Variants in ATP2C1 observed in about 807,000 individuals in gnomAD.
ATP2C1 encodes the protein calcium-transporting ATPase type 2C member 1.
Under a neutral mutation model 120.5 loss-of-function variants are expected in ATP2C1, and 31 were observed. The observed-to-expected ratio is 0.26, with a 90% CI of 0.19 to 0.35. The LOEUF (loss-of-function observed/expected upper bound fraction) is 0.35, where lower values mean the gene tolerates loss of function less well. ATP2C1 is among the 10% of genes least tolerant of loss of function. The pLI, the probability that ATP2C1 is intolerant of heterozygous loss-of-function variation, is 1.00. For missense variants in ATP2C1, 731 were observed against 1,107.5 expected (o/e 0.66, Z 4.83); for synonymous variants, 351 against 358.7 (o/e 0.98, Z 0.24).
At chr3:131,007,335 C>T (rs1298155841), downstream of ATP2C1, among the ~76,000 whole-genome samples, 1 of 152,188 alleles carries the variant, frequency 6.6e-6, no homozygotes, top group Non-Finnish European at 1.5e-5. Flanking sequence ...CTGTTTTACG[C>T]AAATCTGGCC....
At chr3:130,902,958 C>G (rs1220049581) in intron 2 of ATP2C1, among the ~76,000 whole-genome samples, 1 of 151,922 alleles carries the variant, frequency 6.6e-6, no homozygotes, top group Non-Finnish European at 1.5e-5. Flanking sequence ...CTTACATGTA[C>G]ATAGTTGTGT....
intron 8 of ATP2C1, among the ~76,000 whole-genome samples, chr3:130,946,932 C>T (rs930765100): frequency 5.3e-5 from 8 of 152,332 alleles, no homozygotes; most frequent in Non-Finnish European, 8.8e-5. Flanking sequence ...TTGTATCAGG[C>T]TTCAGGGCTT....
At chr3:130,938,149 CCT>C (rs1331618096) in intron 6 of ATP2C1, among the ~76,000 whole-genome samples, 4 of 152,056 alleles carry the variant, frequency 2.6e-5, no homozygotes, top group Non-Finnish European at 4.4e-5. Context: ...TAAAGTAGCC[CCT>C]TTTAAAAATT....
At chr3:130,916,815 C>CA (rs1290795696) in intron 2 of ATP2C1, among the ~76,000 whole-genome samples, 1 of 151,852 alleles carries the variant, frequency 6.6e-6, no homozygotes, top group Non-Finnish European at 1.5e-5. Context: ...TTTTATTGTC[C>CA]AAAAACCATA....
chr3:131,002,465 C>T lies in ATP2C1; in HGVS notation c.*1115C>T, dbSNP rs956417772. 2.0e-6 allele frequency: 2 copies of T among 985,242 alleles called. No homozygotes were observed. Among genetic ancestry groups the T allele is most frequent in the African/African-American group, 1.7e-5 (1 of 57,222 alleles). 61.0% of individuals were successfully genotyped at this position (985,242 alleles called of 1,614,324 possible). A position where few individuals can be genotyped will look rare whatever the true frequency, so the allele number is the denominator to read the frequency against. ...GATTTTAGCACAAACCTGAGTATATCTCTTCTACTTTCATCATGTGTTCTG... is the reference window on the plus strand; with the variant it reads ...GATTTTAGCACAAACCTGAGTATATTTCTTCTACTTTCATCATGTGTTCTG... On this transcript the variant is annotated 3_prime_UTR_variant, in exon 28 of 28. Coordinates refer to ENST00000510168, the MANE Select transcript of ATP2C1 (RefSeq NM_001378687.1).
At chr3:130,855,330 G>A (rs924805957) in intron 1 of ATP2C1, among the ~76,000 whole-genome samples, 2 of 152,120 alleles carry the variant, frequency 1.3e-5, no homozygotes, top group Admixed American at 6.6e-5. Context: ...GCATAAATCT[G>A]GCACATAGAT....
intron 26 of ATP2C1, chr3:131,013,947 T>C: frequency 1.5e-6 from 1 of 681,482 alleles, no homozygotes; most frequent in Non-Finnish European, 2.4e-6. Context: ...GTGATGTTTA[T>C]CCCCTAACAG....
intron 8 of ATP2C1, among the ~76,000 whole-genome samples, chr3:130,944,463 A>G (rs936958501): frequency 4.6e-5 from 7 of 152,124 alleles, no homozygotes; most frequent in African/African-American, 1.4e-4. Flanking sequence ...TGAGATGGCT[A>G]TCTTCTTGCA....
At chr3:130,953,685 G>C (rs772706395) in intron 8 of ATP2C1, 136 bp from the exon 9 acceptor site, 1 of 906,798 alleles carries the variant, frequency 1.1e-6, no homozygotes, top group Non-Finnish European at 1.8e-6. Context: ...TGGTCTTTTA[G>C]AGTGATGGTT....
intron 26 of ATP2C1, among the ~76,000 whole-genome samples, chr3:131,009,154 A>G (rs1018613245): frequency 6.6e-6 from 1 of 152,226 alleles, no homozygotes; most frequent in Non-Finnish European, 1.5e-5. Flanking sequence ...TAATCTGAAT[A>G]GGCTTAAGTA....
chr3:130,940,702 T>C lies in ATP2C1; in HGVS notation c.422+11T>C. ...ACCAGAATGCCATTGGTATGATCCT[T>C]TTTTTGGTATGGATTTCTGCCCCTT... On this transcript the variant is annotated intron_variant, in intron 7 of 27. Transcript: ENST00000510168. The C allele has an allele frequency of 6.2e-7, 1 of 1,602,436 alleles. No individual in the cohort carries two copies. The highest frequency in any genetic ancestry group is 8.5e-7 in the Non-Finnish European group (1 of 1,169,836).
At chr3:130,916,245 A>G (rs908548559) in intron 2 of ATP2C1, among the ~76,000 whole-genome samples, 166 of 128,154 alleles carry the variant, frequency 1.3e-3, no homozygotes, top group Non-Finnish European at 9.0e-4. Context: ...GTCTCTACTC[A>G]AAAAAAAAAA....
At chr3:130,971,752 G>A (rs2061326637) in intron 17 of ATP2C1, among the ~76,000 whole-genome samples, 1 of 152,130 alleles carries the variant, frequency 6.6e-6, no homozygotes, top group East Asian at 1.9e-4. Flanking sequence ...TGCTTCTTTA[G>A]GCCAGACGGT....
chr3:130,990,496 GAA>G lies in ATP2C1; in HGVS notation c.1840-2452_1840-2451del, dbSNP rs763354638. Among the ~76,000 whole-genome samples, 53 of 152,268 alleles carry G rather than the reference GAA, an allele frequency of 3.5e-4. 1 individual carries two copies. The highest frequency in any genetic ancestry group is 3.3e-3 in the Admixed American group (51 of 15,286). On this transcript the variant is annotated intron_variant, in intron 20 of 27. Coordinates refer to ENST00000510168, the MANE Select transcript of ATP2C1 (RefSeq NM_001378687.1). ...GAGGAGGCCAATGTAGTTCAGTCAG[GAA>G]AAGATTAATGATAGGAGTGCAGTGA...
At chr3:130,922,872 G>A (rs528824245) in intron 2 of ATP2C1, among the ~76,000 whole-genome samples, 24 of 152,246 alleles carry the variant, frequency 1.6e-4, no homozygotes, top group East Asian at 1.2e-3. Context: ...GTTTAATGGC[G>A]TATCATATGG....
chr3:130,953,735 T>G, intron 8 of ATP2C1, 86 bp from the exon 9 acceptor site: 2 of 1,405,884 alleles, frequency 1.4e-6, no homozygotes, highest in Non-Finnish European at 1.0e-6. Context: ...AAGGGATGTT[T>G]GAGGAAGAAG....
chr3:130,979,313 T>A lies in ATP2C1; in HGVS notation c.1635T>A (p.Ile545=), dbSNP rs531822929. 1.9e-6 allele frequency: 3 copies of A among 1,613,696 alleles called. No homozygotes were observed. In the African/African-American group the frequency reaches 4.0e-5, roughly 22 times the overall value. The part of the protein sequence containing the change: ...QLTFLGLVGI[I]DPPRTGVKEA... ...CATTTCTTGGCTTGGTGGGAATCAT[T>A]GATCCACCTAGAACTGGTGTGAAAG... is the stretch of plus-strand genomic sequence containing the variant. Residue 545 remains isoleucine, a synonymous_variant, in exon 19 of 28, where the codon ATT becomes ATA. Transcript: ENST00000510168.
intron 1 of ATP2C1, among the ~76,000 whole-genome samples, chr3:130,883,249 G>C (rs1182541394): frequency 6.6e-6 from 1 of 151,372 alleles, no homozygotes; most frequent in African/African-American, 2.4e-5. Context: ...TTCTTTGTTA[G>C]TCTGGCTAAT....
intron 2 of ATP2C1, among the ~76,000 whole-genome samples, chr3:130,911,233 C>A (rs1302637649): frequency 1.4e-5 from 2 of 140,594 alleles, no homozygotes; most frequent in South Asian, 2.4e-4. Flanking sequence ...AGTTTATTTG[C>A]GTAGAGGTGT....
Sources: allele counts gnomAD v4.1 joint callset (sites outside exome capture counted in the v4.1 genomes callset), GRCh38; gene constraint gnomAD v4.1.1; transcripts MANE v1.5; gene names NCBI Gene and HGNC (gene_info 2026-07-23, HGNC 2026-07-21).